Variants in RAP1GDS1 observed in about 807,000 individuals in gnomAD.
RAP1GDS1 encodes Rap1 GTPase-GDP dissociation stimulator 1.
A neutral mutation model predicts 71.1 loss-of-function variants in RAP1GDS1; 35 were observed. The ratio of observed to expected loss-of-function variants is 0.49; its 90% CI spans 0.38 to 0.65. The LOEUF (loss-of-function observed/expected upper bound fraction) is 0.65. Among genes scored for constraint, RAP1GDS1 ranks in the 30% least tolerant of loss-of-function variants. RAP1GDS1 has a pLI of 0.00. For missense variants in RAP1GDS1, 663 were observed against 706.1 expected, an observed-to-expected ratio of 0.94 and a Z score of 0.69; for synonymous variants, 229 against 243.1, an observed-to-expected ratio of 0.94 and a Z score of 0.54.
chr4:98,347,953 T>C (rs1471621525), intron 3 of RAP1GDS1, among the ~76,000 whole-genome samples: 1 of 152,100 alleles, frequency 6.6e-6, no homozygotes, highest in Non-Finnish European at 1.5e-5. Flanking sequence ...ATGTATAACA[T>C]TTTAAACATA....
intron 1 of RAP1GDS1, among the ~76,000 whole-genome samples, chr4:98,277,741 A>G (rs932856458): frequency 6.6e-6 from 1 of 152,156 alleles, no homozygotes; most frequent in African/African-American, 2.4e-5. Flanking sequence ...TTGTTTGTAG[A>G]TGTTACAAAG....
At chr4:98,299,283 A>G (rs996084162) in intron 2 of RAP1GDS1, among the ~76,000 whole-genome samples, 5 of 152,212 alleles carry the variant, frequency 3.3e-5, no homozygotes, top group African/African-American at 1.2e-4. Flanking sequence ...TATATGTGCC[A>G]CATTTTCTTT....
chr4:98,271,607 T>C (rs920264428), intron 1 of RAP1GDS1, among the ~76,000 whole-genome samples: 2 of 152,058 alleles, frequency 1.3e-5, no homozygotes, highest in Non-Finnish European at 2.9e-5. Context: ...ATTCTTCTGT[T>C]TTAGTATAAC....
intron 2 of RAP1GDS1, among the ~76,000 whole-genome samples, chr4:98,320,339 G>C (rs1731629088): frequency 6.6e-6 from 1 of 152,190 alleles, no homozygotes; most frequent in Non-Finnish European, 1.5e-5. Flanking sequence ...AGTGTTGATA[G>C]GTTTTGTGTT....
chr4:98,437,895 T>A (rs1418083665), intron 14 of RAP1GDS1, among the ~76,000 whole-genome samples: 1 of 152,088 alleles, frequency 6.6e-6, no homozygotes, highest in Non-Finnish European at 1.5e-5. Context: ...AAAGAGTGTG[T>A]ATTATGCAGT....
intron 1 of RAP1GDS1, among the ~76,000 whole-genome samples, chr4:98,270,260 G>A (rs1467649349): frequency 6.6e-6 from 1 of 152,038 alleles, no homozygotes; most frequent in Non-Finnish European, 1.5e-5. Context: ...CATGAGTTTT[G>A]GAGGGGACAA....
intron 1 of RAP1GDS1, among the ~76,000 whole-genome samples, chr4:98,292,582 C>T (rs1025984631): frequency 4.5e-5 from 5 of 111,590 alleles, no homozygotes; most frequent in Admixed American, 2.9e-4. Flanking sequence ...AAAAAAAAAA[C>T]AATGCTATTC....
In RAP1GDS1 at chr4:98,414,979, T is replaced by C. The variant is rs374724343; in HGVS notation, c.764-1766T>C. On this transcript the variant is annotated intron_variant, in intron 7 of 14. Coordinates refer to ENST00000408927, the MANE Select transcript of RAP1GDS1 (RefSeq NM_001100427.2). ...AGGTATTTTATTCTCTTTGAAGCAA[T>C]TGTGAATAGGAATTCACTCATGATT... Among the ~76,000 whole-genome samples the C allele has an allele frequency of 7.2e-3, 1,101 of 152,236 alleles. 18 individuals carry two copies. Among genetic ancestry groups the C allele is most frequent in the African/African-American group, 0.026 (1,060 of 41,504 alleles).
intron 12 of RAP1GDS1, among the ~76,000 whole-genome samples, chr4:98,427,573 A>T (rs944734765): frequency 6.6e-6 from 1 of 152,206 alleles, no homozygotes; most frequent in African/African-American, 2.4e-5. Flanking sequence ...AAGAGCAACT[A>T]AGCTGAGAAT....
In RAP1GDS1 at chr4:98,404,499, C is replaced by T. The variant is rs370054752; in HGVS notation, c.660C>T (p.Ala220=). 2.5e-6 allele frequency: 4 copies of T among 1,601,040 alleles called. No individual in the cohort carries two copies. Among genetic ancestry groups the T allele is most frequent in the African/African-American group, 1.3e-5 (1 of 74,076 alleles). The stretch of plus-strand genomic sequence containing the variant: ...CAGAGTCAAGTAAAGAACAGTTTGC[C>T]AGTACAAACATTGCTGAAGAGCTAG... ...AELESSKEQF[A]STNIAEELVK... The change falls in exon 7 of 15, where the codon GCC becomes GCT. Residue 220 remains alanine, a synonymous_variant. Coordinates refer to ENST00000408927, the MANE Select transcript of RAP1GDS1 (RefSeq NM_001100427.2).
In RAP1GDS1 at chr4:98,418,642, T is replaced by C; in HGVS notation, c.1040-15T>C. ...TTTTAAAGAGGAAGAAAAAGATGTG[T>C]GTTTTTTTTTTCAGATGCAAATTGT... is the stretch of plus-strand genomic sequence containing the variant. On this transcript the variant is annotated splice_polypyrimidine_tract_variant and intron_variant, in intron 9 of 14. Transcript: ENST00000408927. 6.3e-7 allele frequency: 1 copy of C among 1,576,148 alleles called. No individual in the cohort carries two copies. The highest frequency in any genetic ancestry group is 1.2e-5 in the South Asian group (1 of 84,364).
At chr4:98,266,988 A>G (rs540564659) in intron 1 of RAP1GDS1, among the ~76,000 whole-genome samples, 2 of 152,340 alleles carry the variant, frequency 1.3e-5, no homozygotes, top group East Asian at 3.9e-4. Context: ...ATATCCAGTC[A>G]TGAACATCAG....
At chr4:98,305,568 G>A (rs1729193818) in intron 2 of RAP1GDS1, among the ~76,000 whole-genome samples, 1 of 152,148 alleles carries the variant, frequency 6.6e-6, no homozygotes, top group Non-Finnish European at 1.5e-5. Flanking sequence ...GAATCTGGGA[G>A]AGTGAGAAAG....
At chr4:98,397,145 C>T (rs1034523453) in intron 6 of RAP1GDS1, among the ~76,000 whole-genome samples, 1 of 152,064 alleles carries the variant, frequency 6.6e-6, no homozygotes, top group Non-Finnish European at 1.5e-5. Context: ...GAGAAATTGG[C>T]CTTTAACCCA....
At chr4:98,328,952 A>G (rs955561634) in intron 2 of RAP1GDS1, among the ~76,000 whole-genome samples, 1 of 152,260 alleles carries the variant, frequency 6.6e-6, no homozygotes, top group Non-Finnish European at 1.5e-5. Flanking sequence ...CAGATTTTAG[A>G]TTTTACCTAC....
intron 13 of RAP1GDS1, among the ~76,000 whole-genome samples, chr4:98,434,969 C>T (rs898310838): frequency 6.6e-6 from 1 of 152,104 alleles, no homozygotes; most frequent in African/African-American, 2.4e-5. Context: ...GAAGCTAATC[C>T]GTAGACATCT....
chr4:98,331,162 G>C (rs576029968), intron 2 of RAP1GDS1, among the ~76,000 whole-genome samples: 1 of 152,208 alleles, frequency 6.6e-6, no homozygotes, highest in Non-Finnish European at 1.5e-5. Flanking sequence ...CAGGCGTGGC[G>C]GCATGTGCCT....
intron 2 of RAP1GDS1, among the ~76,000 whole-genome samples, chr4:98,300,380 C>G (rs1415688806): frequency 6.6e-6 from 1 of 151,840 alleles, no homozygotes; most frequent in Non-Finnish European, 1.5e-5. Context: ...ACTCAGTAGA[C>G]TACAGTATAG....
intron 1 of RAP1GDS1, among the ~76,000 whole-genome samples, chr4:98,289,966 G>A (rs527890126): frequency 1.3e-5 from 2 of 151,988 alleles, no homozygotes; most frequent in South Asian, 4.2e-4. Context: ...TTACTAGATA[G>A]TTATGTGAAA....
Sources: gnomAD v4.1 joint callset for allele counts (sites outside exome capture counted in the v4.1 genomes callset) on GRCh38, gnomAD v4.1.1 for gene constraint, MANE v1.5 for transcripts, NCBI Gene and HGNC (gene_info 2026-07-23, HGNC 2026-07-21) for gene names.